Variants in CDH26 observed in about 807,000 individuals in gnomAD.
The protein encoded by CDH26 is cadherin-like protein 26.
In CDH26, 83 loss-of-function variants were observed where a neutral mutation model predicts 90.3. That is an observed-to-expected ratio of 0.92 (90% confidence interval 0.77 to 1.10). CDH26 has a LOEUF of 1.10. CDH26 is among the 50% of genes least tolerant of loss of function. The probability of loss-of-function intolerance (pLI) is 0.00; values close to 1 mark genes in which losing one functional copy is unlikely to be tolerated. For missense variants in CDH26, 1,013 were observed against 1,037.6 expected, an observed-to-expected ratio of 0.98 and a Z score of 0.33; for synonymous variants, 397 against 396.3, an observed-to-expected ratio of 1.00 and a Z score of -0.02.
intron 7 of CDH26, among the ~76,000 whole-genome samples, chr20:60,028,905 CG>C (rs2062019088): frequency 6.6e-6 from 1 of 152,164 alleles, no homozygotes; most frequent in Admixed American, 6.5e-5. Context: ...GCGTTATTCA[CG>C]GTCCCCATGG....
At position 60,001,524 on chromosome 20, in the gene CDH26, CAT is replaced by C. The variant is rs1047641082; in HGVS notation, c.2166+115_2166+116del. ...TCGGTGATACTGTCAGAAAAAGGCA[CAT>C]AGTCAATGAAAATCTGAGAAGCTGG... is the stretch of plus-strand genomic sequence containing the variant. On this transcript the variant is annotated intron_variant, in intron 15 of 17. Coordinates refer to ENST00000348616, the MANE Select transcript of CDH26 (RefSeq NM_177980.4). 5.5e-5 allele frequency: 81 copies of C among 1,465,552 alleles called. 1 individual carries two copies. The African/African-American group carries it at 9.0e-4, about 16-fold the overall frequency. The allele number at this position is 1,465,552 out of a possible 1,614,324, so 90.8% of individuals were successfully genotyped here. A position where few individuals can be genotyped will look rare whatever the true frequency, so the allele number is the denominator to read the frequency against.
intron 7 of CDH26, among the ~76,000 whole-genome samples, chr20:60,021,891 C>CATATATAT (rs1416297614): frequency 7.8e-5 from 7 of 90,070 alleles, no homozygotes; most frequent in African/African-American, 1.7e-4. Flanking sequence ...CACACACACA[C>CATATATAT]ACACACATAT....
At chr20:59,986,830 C>T (rs1421887740) in intron 7 of CDH26, among the ~76,000 whole-genome samples, 1 of 151,848 alleles carries the variant, frequency 6.6e-6, no homozygotes, top group Non-Finnish European at 1.5e-5. Flanking sequence ...GAAATGTTTG[C>T]AAACCAAAGC....
intron 4 of CDH26, among the ~76,000 whole-genome samples, chr20:59,973,236 G>A (rs2061286265): frequency 6.6e-6 from 1 of 152,224 alleles, no homozygotes; most frequent in African/African-American, 2.4e-5. Context: ...CAAGCTCCAG[G>A]TGATGCCCAT....
At chr20:59,989,188 C>A (rs762521611) in intron 9 of CDH26, 25 bp downstream of exon 9, 3 of 1,611,548 alleles carry the variant, frequency 1.9e-6, no homozygotes, top group South Asian at 1.1e-5. Flanking sequence ...CCAAGAAGGG[C>A]GGTTGTTTAA....
chr20:59,995,157 A>G (rs371742857), intron 11 of CDH26, among the ~76,000 whole-genome samples: 2 of 152,252 alleles, frequency 1.3e-5, no homozygotes, highest in South Asian at 2.1e-4. Context: ...CCTTGCCCAA[A>G]GAGAGGTCTG....
chr20:59,996,385 A>G (rs1169205938), intron 12 of CDH26: 1 of 1,475,368 alleles, frequency 6.8e-7, no homozygotes, highest in Non-Finnish European at 8.9e-7. Context: ...ATAAGAAAGC[A>G]GCTTTTCCAA....
chr20:60,026,722 G>A (rs2062001035), intron 7 of CDH26, among the ~76,000 whole-genome samples: 1 of 152,178 alleles, frequency 6.6e-6, no homozygotes, highest in Admixed American at 6.5e-5. Context: ...CTTGACTTTG[G>A]CTCTGTGAAA....
At position 59,970,132 on chromosome 20, in the gene CDH26, C is replaced by A. The variant is rs151039129; in HGVS notation, c.177C>A (p.Thr59=). The A allele has an allele frequency of 6.2e-7, 1 of 1,613,946 alleles. No individual in the cohort carries two copies. The highest frequency in any genetic ancestry group is 8.5e-7 in the Non-Finnish European group (1 of 1,179,958). The change falls in exon 3 of 18, where the codon ACC becomes ACA. Residue 59 remains threonine (T), a synonymous_variant. Coordinates refer to ENST00000348616, the MANE Select transcript of CDH26 (RefSeq NM_177980.4). The part of the protein sequence containing the change: ...LRRSKRRWVI[T]TLELEEEDPG... Reference sequence around the variant, plus strand: ...GATCCAAGAGAAGATGGGTTATCACCACCTTGGAGCTGGAGGAGGAAGACC... The same window carrying A: ...GATCCAAGAGAAGATGGGTTATCACAACCTTGGAGCTGGAGGAGGAAGACC...
chr20:59,999,695 AG>A, intron 14 of CDH26, 32 bp downstream of exon 14: 2 of 1,605,786 alleles, frequency 1.2e-6, no homozygotes, highest in Non-Finnish European at 1.7e-6. Context: ...TCTGGATTTC[AG>A]AGAAGTGACT....
chr20:60,021,576 A>G (rs2061951631), intron 7 of CDH26, among the ~76,000 whole-genome samples: 1 of 152,120 alleles, frequency 6.6e-6, no homozygotes, highest in African/African-American at 2.4e-5. Flanking sequence ...AAGGTTTTAA[A>G]TAAATTTGCT....
intron 16 of CDH26, among the ~76,000 whole-genome samples, chr20:60,003,465 T>G (rs143582718): frequency 6.6e-6 from 1 of 152,142 alleles, no homozygotes. Flanking sequence ...TATAAACTGG[T>G]TTTTAAAGTA....
rs747886583 is a variant in CDH26 at position 59,985,056 on chromosome 20, T to C, written c.764T>C (p.Leu255Pro). 45 of 1,613,934 alleles carry C rather than the reference T, an allele frequency of 2.8e-5. No homozygotes were observed. The highest frequency in any genetic ancestry group is 3.6e-5 in the Non-Finnish European group (42 of 1,179,976). The change falls in exon 7 of 18, where the codon CTG becomes CCG. Residue 255 changes from leucine to proline, a missense_variant. By Grantham distance (98) the Leu-to-Pro change is moderately conservative. Transcript: ENST00000348616. Reference protein sequence around the residue: ...IRARDCGEPSLSSTTTVHVDV... With the variant: ...IRARDCGEPSPSSTTTVHVDV... Reference sequence around the variant, plus strand: ...GCCAGGGACTGTGGAGAACCGTCACTGTCATCCACGACCACCGTTCACGTG... The same window carrying C: ...GCCAGGGACTGTGGAGAACCGTCACCGTCATCCACGACCACCGTTCACGTG...
chr20:60,033,773 ATGTGTG>A (rs3043443), exon 9 of CDH26: 492 of 900,112 alleles, frequency 5.5e-4, no homozygotes, highest in Middle Eastern at 1.0e-3. Context: ...GGTAGACAAG[ATGTGTG>A]TGTGTGTGTG....
chr20:60,027,373 A>G (rs111271509), intron 7 of CDH26, among the ~76,000 whole-genome samples: 2 of 152,230 alleles, frequency 1.3e-5, no homozygotes, highest in African/African-American at 4.8e-5. Context: ...TGTAGTTAAC[A>G]TTTGCTATAT....
downstream of CDH26, among the ~76,000 whole-genome samples, chr20:60,017,046 G>T (rs1366689491): frequency 5.3e-5 from 8 of 151,936 alleles, no homozygotes. Flanking sequence ...TAACATCTAT[G>T]TTCATTGGTG....
At chr20:60,033,499 G>C in exon 9 of CDH26, 1 of 1,304,232 alleles carries the variant, frequency 7.7e-7, no homozygotes, top group South Asian at 1.2e-5. Flanking sequence ...AGGAGAACAA[G>C]GCTGGGAGAA....
chr20:59,998,468 C>A (rs1281982628), intron 13 of CDH26, among the ~76,000 whole-genome samples: 2 of 152,160 alleles, frequency 1.3e-5, no homozygotes, highest in Non-Finnish European at 2.9e-5. Flanking sequence ...GATGCTAAGA[C>A]CAGGAGGGTT....
chr20:59,998,325 G>T (rs1336802248), intron 13 of CDH26, among the ~76,000 whole-genome samples: 2 of 152,188 alleles, frequency 1.3e-5, no homozygotes, highest in Non-Finnish European at 2.9e-5. Context: ...CTGAGTTCAG[G>T]TTGTAGCTGA....
Sources: gnomAD v4.1 joint callset for allele counts (sites outside exome capture counted in the v4.1 genomes callset) on GRCh38, gnomAD v4.1.1 for gene constraint, MANE v1.5 for transcripts, NCBI Gene and HGNC (gene_info 2026-07-23, HGNC 2026-07-21) for gene names.